CCDC138: variants seen among roughly 807,000 people sequenced by gnomAD.
The protein encoded by CCDC138 is coiled-coil domain-containing protein 138.
Under a neutral mutation model 82.3 loss-of-function variants are expected in CCDC138, and 66 were observed. That is an observed-to-expected ratio of 0.80 (90% confidence interval 0.66 to 0.98). The LOEUF (loss-of-function observed/expected upper bound fraction) is 0.98. Among genes scored for constraint, CCDC138 ranks in the 50% least tolerant of loss-of-function variants. The probability of loss-of-function intolerance (pLI) is 0.00; values close to 1 mark genes in which losing one functional copy is unlikely to be tolerated. For synonymous variants in CCDC138, 297 were observed against 265.4 expected (o/e 1.12, Z -1.16); for missense variants, 816 against 758.9 (o/e 1.08, Z -0.88).
At chr2:108,790,350 A>G (rs1035796205) in intron 3 of CCDC138, among the ~76,000 whole-genome samples, 7 of 152,186 alleles carry the variant, frequency 4.6e-5, no homozygotes, top group African/African-American at 1.4e-4. Context: ...ACTCTAAACT[A>G]TAATCTAAAG....
intron 5 of CCDC138, among the ~76,000 whole-genome samples, chr2:108,797,423 A>G (rs969977858): frequency 2.6e-5 from 4 of 152,208 alleles, no homozygotes; most frequent in African/African-American, 9.7e-5. Context: ...ATTTAGTAAT[A>G]GGTAAGTCAT....
chr2:108,838,062 A>T (rs1688865707), intron 10 of CCDC138, among the ~76,000 whole-genome samples: 1 of 152,026 alleles, frequency 6.6e-6, no homozygotes, highest in Non-Finnish European at 1.5e-5. Flanking sequence ...AGGATTGGTT[A>T]GTTTGAATAA....
intron 10 of CCDC138, among the ~76,000 whole-genome samples, chr2:108,823,341 C>CT (rs975869345): frequency 2.0e-5 from 3 of 152,208 alleles, no homozygotes; most frequent in African/African-American, 7.2e-5. Flanking sequence ...CAATAAAAAA[C>CT]TATTGACTAA....
chr2:108,879,525 T>C (rs536310182), downstream of CCDC138, among the ~76,000 whole-genome samples: 2 of 152,294 alleles, frequency 1.3e-5, no homozygotes, highest in Non-Finnish European at 2.9e-5. Context: ...CAACTGCATA[T>C]GACAGAAACA....
chr2:108,838,210 A>G (rs1016864294), intron 10 of CCDC138, among the ~76,000 whole-genome samples: 1 of 152,040 alleles, frequency 6.6e-6, no homozygotes, highest in Non-Finnish European at 1.5e-5. Context: ...TCAGAGGCAT[A>G]CTCTAGGCCG....
intron 10 of CCDC138, among the ~76,000 whole-genome samples, chr2:108,817,717 C>T (rs1463661052): frequency 1.3e-5 from 2 of 152,200 alleles, no homozygotes; most frequent in African/African-American, 4.8e-5. Context: ...GAAATGGATC[C>T]TCCCTTAGCC....
intron 13 of CCDC138, among the ~76,000 whole-genome samples, chr2:108,861,583 C>T (rs1032955006): frequency 1.0e-4 from 15 of 149,060 alleles, no homozygotes; most frequent in African/African-American, 2.8e-4. Flanking sequence ...TGGGTTCAAG[C>T]GATTCTTCTG....
At chr2:108,850,048 C>G (rs1208931420) in intron 12 of CCDC138, among the ~76,000 whole-genome samples, 1 of 152,178 alleles carries the variant, frequency 6.6e-6, no homozygotes, top group Non-Finnish European at 1.5e-5. Flanking sequence ...ATGCCAGCAC[C>G]TAGGAAGAAA....
At chr2:108,799,884 T>A (rs1333078087) in intron 6 of CCDC138, among the ~76,000 whole-genome samples, 4 of 152,178 alleles carry the variant, frequency 2.6e-5, no homozygotes, top group African/African-American at 7.2e-5. Flanking sequence ...TTAATCTCCA[T>A]GTTGCTATTG....
At chr2:108,821,150 G>A (rs1685625130) in intron 10 of CCDC138, among the ~76,000 whole-genome samples, 1 of 152,154 alleles carries the variant, frequency 6.6e-6, no homozygotes, top group Non-Finnish European at 1.5e-5. Flanking sequence ...CTGAGGTCAG[G>A]AGTTTGAGAC....
chr2:108,808,166 A>T (rs1269339638), intron 7 of CCDC138, among the ~76,000 whole-genome samples: 2 of 152,126 alleles, frequency 1.3e-5, no homozygotes, highest in African/African-American at 4.8e-5. Flanking sequence ...GTTCTTTTTC[A>T]TAGCTGAACA....
intron 10 of CCDC138, among the ~76,000 whole-genome samples, chr2:108,831,676 T>G (rs962541822): frequency 1.4e-5 from 2 of 144,756 alleles, no homozygotes; most frequent in African/African-American, 2.7e-5. Flanking sequence ...GAATCTGATT[T>G]AGTAGATCTG....
chr2:108,852,469 C>G (rs937716516), intron 12 of CCDC138, among the ~76,000 whole-genome samples: 11 of 152,198 alleles, frequency 7.2e-5, no homozygotes, highest in Non-Finnish European at 1.6e-4. Context: ...CATTGCAGCA[C>G]TGTTCACAAT....
intron 13 of CCDC138, among the ~76,000 whole-genome samples, chr2:108,870,483 A>G (rs1695062599): frequency 6.6e-6 from 1 of 152,208 alleles, no homozygotes; most frequent in Non-Finnish European, 1.5e-5. Context: ...TTGAGGAAAG[A>G]CACGGCTCTA....
intron 14 of CCDC138, among the ~76,000 whole-genome samples, chr2:108,873,831 C>T (rs777289660): frequency 4.6e-5 from 7 of 152,060 alleles, no homozygotes; most frequent in Admixed American, 1.3e-4. Context: ...CATCCTGGGC[C>T]GCATGCAGCC....
chr2:108,849,117 G>A (rs1690987131), intron 12 of CCDC138, among the ~76,000 whole-genome samples: 1 of 152,062 alleles, frequency 6.6e-6, no homozygotes, highest in Non-Finnish European at 1.5e-5. Flanking sequence ...ATTAGACACT[G>A]CAGACAAACG....
intron 11 of CCDC138, among the ~76,000 whole-genome samples, chr2:108,841,456 T>C (rs977124724): frequency 6.6e-6 from 1 of 152,194 alleles, no homozygotes; most frequent in Non-Finnish European, 1.5e-5. Flanking sequence ...AATTTATGAT[T>C]ATGTCTTGGT....
intron 10 of CCDC138, among the ~76,000 whole-genome samples, chr2:108,837,501 G>GA (rs975469949): frequency 6.6e-6 from 1 of 151,852 alleles, no homozygotes; most frequent in Non-Finnish European, 1.5e-5. Context: ...ATGGAGCAAA[G>GA]AAAAAAAGAA....
intron 2 of CCDC138, among the ~76,000 whole-genome samples, chr2:108,788,550 T>A (rs990391520): frequency 3.3e-5 from 5 of 151,112 alleles, no homozygotes; most frequent in Non-Finnish European, 7.4e-5. Context: ...ACCCCGTCTC[T>A]ACTAAAAAAA....
Sources: allele counts gnomAD v4.1 joint callset (sites outside exome capture counted in the v4.1 genomes callset), GRCh38; gene constraint gnomAD v4.1.1; transcripts MANE v1.5; gene names NCBI Gene and HGNC (gene_info 2026-07-23, HGNC 2026-07-21).